The following NBPF12 variants were observed in gnomAD, a reference collection of about 807,000 sequenced individuals.
NBPF12 encodes NBPF family member NBPF12.
NBPF12 carries 115 observed loss-of-function variants against 146.4 expected under a neutral mutation model. That is an observed-to-expected ratio of 0.79 (90% CI 0.68 to 0.92). The LOEUF is 0.92. Among genes scored for constraint, NBPF12 ranks in the 40% least tolerant of loss-of-function variants. NBPF12 has a pLI of 0.00. For synonymous variants in NBPF12, 385 were observed against 508.9 expected (o/e 0.76, Z 3.28); for missense variants, 1,205 against 1,326.8 (o/e 0.91, Z 1.43).
At chr1:146,981,294 A>AAATATATAT (rs1162326884) in intron 19 of NBPF12, among the ~76,000 whole-genome samples, 1 of 90,222 alleles carries the variant, frequency 1.1e-5, no homozygotes, top group African/African-American at 4.8e-5. Flanking sequence ...AAAAAAAAAA[A>AAATATATAT]ATATATATAT....
Position 146,966,326 on chromosome 1 carries a change from G to A in NBPF12, c.779-138G>A, listed in dbSNP as rs1656204799. 9.7e-6 allele frequency: 8 copies of A among 821,798 alleles called. No homozygotes were observed. The South Asian group carries it at 1.1e-4, about 11-fold the overall frequency. 50.9% of individuals were successfully genotyped at this position (821,798 alleles called of 1,614,324 possible). On this transcript the variant is annotated intron_variant, in intron 8 of 33. Coordinates refer to ENST00000617844, the Ensembl canonical transcript of NBPF12. ...TGACTTAAAGGAGATCAAGACTGGA[G>A]ATGACAAGAGTGAAACCAGGGAAAC...
rs1367630203 is a variant in NBPF12, at chr1:146,964,771, C to A, written c.567-122C>A. On this transcript the variant is annotated intron_variant, in intron 7 of 33. Transcript: ENST00000617844. The stretch of plus-strand genomic sequence containing the variant: ...ATTGCCTGTTCCCTCTTTAAGGGAA[C>A]CTCCATTTTGCTTTCTGGGACCACT... The A allele has an allele frequency of 8.0e-6, 12 of 1,506,230 alleles. 1 individual carries two copies. The African/African-American group carries it at 9.7e-5, about 12-fold the overall frequency. 93.3% of individuals were successfully genotyped at this position (1,506,230 alleles called of 1,614,324 possible).
intron 33 of NBPF12, 80 bp from the exon 37 acceptor site, chr1:146,994,252 A>T (rs782000152): frequency 2.5e-6 from 4 of 1,609,546 alleles, no homozygotes; most frequent in Non-Finnish European, 3.4e-6. Flanking sequence ...CCACTTCCTT[A>T]TGTTACTTCT....
In NBPF12 at chr1:146,954,921, G is replaced by GTGTA. The variant is rs1221810506; in HGVS notation, c.-184+3433_-184+3434insGTAT. ...CAAACGTGTGTGTGTGTGTGTGTGT[G>GTGTA]TATATATATATATTCACCGTTTTGA... On this transcript the variant is annotated intron_variant, in intron 2 of 33. Coordinates refer to ENST00000617844, the Ensembl canonical transcript of NBPF12. Among the ~76,000 whole-genome samples the GTGTA allele has an allele frequency of 3.0e-4, 27 of 91,202 alleles. 2 individuals carry two copies. The East Asian group carries it at 4.6e-3, about 16-fold the overall frequency. The allele number at this position is 91,202 out of a possible 152,430, so 59.8% of individuals were successfully genotyped here.
At chr1:146,977,976 A>G (rs1657152483) in intron 18 of NBPF12, among the ~76,000 whole-genome samples, 2 of 151,974 alleles carry the variant, frequency 1.3e-5, no homozygotes, top group East Asian at 3.9e-4. Context: ...TCTGTGATTT[A>G]GTCATCTGTC....
Position 146,992,649 on chromosome 1 carries a change from A to G in NBPF12, c.3849-63A>G, listed in dbSNP as rs1351381167. The G allele has an allele frequency of 1.3e-5, 10 of 771,860 alleles. No individual in the cohort carries two copies. The South Asian group carries it at 1.3e-4, about 10-fold the overall frequency. 47.8% of individuals were successfully genotyped at this position (771,860 alleles called of 1,614,324 possible). A position where few individuals can be genotyped will look rare whatever the true frequency, so the allele number is the denominator to read the frequency against. On this transcript the variant is annotated intron_variant, in intron 31 of 33. Coordinates refer to ENST00000617844, the Ensembl canonical transcript of NBPF12. ...CTTCCTTATGCTACCCATGAAACCT[A>G]GTTGGGGCTCTGTTGTGTCTGATTT...
rs1295938368 is a variant in NBPF12, at chr1:146,972,537, G to A, written c.1592-214G>A. On this transcript the variant is annotated intron_variant, in intron 13 of 33. Transcript: ENST00000617844. ...ATAGAAACTTATAAGCAAGAAAAGT[G>A]TAGAAGTGTTTATGTCCTGGTTTCA... Among the ~76,000 whole-genome samples the A allele has an allele frequency of 4.9e-4, 75 of 151,762 alleles. 1 individual carries two copies. The highest frequency in any genetic ancestry group is 4.6e-4 in the Admixed American group (7 of 15,268).
intron 10 of NBPF12, 137 bp downstream of exon 13, chr1:146,968,687 A>C: frequency 1.3e-6 from 1 of 755,430 alleles, no homozygotes; most frequent in Non-Finnish European, 2.3e-6. Context: ...GCTACACACA[A>C]ATATTTATCA....
intron 1 of NBPF12, among the ~76,000 whole-genome samples, 127 bp downstream of exon 1, chr1:146,939,139 C>T (rs1434630959): frequency 6.6e-6 from 1 of 152,064 alleles, no homozygotes; most frequent in African/African-American, 2.4e-5. Flanking sequence ...CCGCCGGGGC[C>T]TAAGTTCCCT....
In NBPF12 at chr1:146,971,178, A is replaced by C. The variant is rs1656587916; in HGVS notation, c.1380-5A>C. 6.2e-7 allele frequency: 1 copy of C among 1,611,092 alleles called. No homozygotes were observed. Among genetic ancestry groups the C allele is most frequent in the African/African-American group, 1.4e-5 (1 of 73,830 alleles). On this transcript the variant is annotated splice_polypyrimidine_tract_variant and splice_region_variant and intron_variant, in intron 12 of 33. Coordinates refer to ENST00000617844, the Ensembl canonical transcript of NBPF12. ...CTGTCATCTCTGTCCCACCTGGCTC[A>C]TCAGGGAGATGCAGAAGGCTGAAGA...
rs1193236185 is a variant in NBPF12, at chr1:146,980,850, A to G, written c.2450+1840A>G. 2.8e-5 allele frequency among the ~76,000 whole-genome samples: 4 copies of G among 142,150 alleles called. No homozygotes were observed. In the Admixed American group the frequency reaches 3.0e-4, roughly 11 times the overall value. The allele number at this position is 142,150 out of a possible 152,430, so 93.3% of individuals were successfully genotyped here. ...GCACACATATGTTTATTGTGGCACT[A>G]TTCACAATAGCAAAGACTTGGAACC... On this transcript the variant is annotated intron_variant, in intron 19 of 33. Coordinates refer to ENST00000617844, the Ensembl canonical transcript of NBPF12.
upstream of NBPF12, among the ~76,000 whole-genome samples, chr1:146,945,050 TC>T (rs1654984664): frequency 1.8e-5 from 1 of 55,146 alleles, no homozygotes; most frequent in Non-Finnish European, 4.0e-5. Flanking sequence ...CTCCCTGCCT[TC>T]CTCCCTCCCT....
chr1:146,973,632 A>G (rs1269508077), intron 14 of NBPF12, among the ~76,000 whole-genome samples: 7 of 149,330 alleles, frequency 4.7e-5, no homozygotes, highest in Non-Finnish European at 8.9e-5. Context: ...CACTAAAAAT[A>G]CAAAAAGTAG....
Position 146,957,953 on chromosome 1 carries a change from TTATA to T in NBPF12, c.-183-1901_-183-1898del, listed in dbSNP as rs1191656105. Among the ~76,000 whole-genome samples, 3 of 114,202 alleles carry T rather than the reference TTATA, an allele frequency of 2.6e-5. 1 individual carries two copies. The highest frequency in any genetic ancestry group is 1.0e-4 in the Admixed American group (1 of 9,742). The allele number at this position is 114,202 out of a possible 152,430, so 74.9% of individuals were successfully genotyped here. On this transcript the variant is annotated intron_variant, in intron 2 of 33. Coordinates refer to ENST00000617844, the Ensembl canonical transcript of NBPF12. Reference sequence around the variant, plus strand: ...ATATATTCGTGTGTGTATATATATTTTATATATACGTGTATACATGTATATATGT... The same window carrying T: ...ATATATTCGTGTGTGTATATATATTTTATACGTGTATACATGTATATATGT...
At chr1:146,965,790 T>TAAAAA (rs1656154693) in intron 8 of NBPF12, among the ~76,000 whole-genome samples, 7 of 8,236 alleles carry the variant, frequency 8.5e-4, no homozygotes, top group Non-Finnish European at 1.4e-3. Flanking sequence ...AGACTGCATC[T>TAAAAA]CAAAAAAAAA....
At chr1:146,964,479 G>C (rs1559520714) in intron 7 of NBPF12, 50 bp downstream of exon 10, 7 of 1,592,466 alleles carry the variant, frequency 4.4e-6, no homozygotes, top group East Asian at 4.5e-5. Context: ...ATATGAAAAT[G>C]TCTAGAAGGC....
At chr1:146,994,712 C>G in exon 34 of NBPF12, 1 of 1,411,456 alleles carries the variant, frequency 7.1e-7, no homozygotes. Context: ...TTCCTATTCT[C>G]AGAGCATGCC....
At chr1:146,966,224 T>C (rs1350386818) in intron 8 of NBPF12, among the ~76,000 whole-genome samples, 1 of 152,014 alleles carries the variant, frequency 6.6e-6, no homozygotes, top group Non-Finnish European at 1.5e-5. Context: ...AGCCTTGCTT[T>C]ATAGAAACGT....
exon 34 of NBPF12, chr1:146,994,592 C>A (rs782537041): frequency 6.3e-7 from 1 of 1,595,904 alleles, no homozygotes; most frequent in South Asian, 1.1e-5. Flanking sequence ...CTTACTAAGC[C>A]GAGAGGTTTC....
Sources: gnomAD v4.1 joint callset for allele counts (sites outside exome capture counted in the v4.1 genomes callset) on GRCh38, gnomAD v4.1.1 for gene constraint, MANE v1.5 for transcripts, NCBI Gene and HGNC (gene_info 2026-07-23, HGNC 2026-07-21) for gene names.